Variants in GTF2I observed in about 807,000 individuals in gnomAD.
GTF2I encodes general transcription factor IIi.
Under a neutral mutation model 67.6 loss-of-function variants are expected in GTF2I, and 12 were observed. The observed-to-expected ratio is 0.18, with a 90% CI of 0.11 to 0.29. The LOEUF (loss-of-function observed/expected upper bound fraction) is 0.29, where lower values mean the gene tolerates loss of function less well. Ranked by LOEUF, GTF2I falls within the 10% of genes least tolerant of loss-of-function variation. The probability of loss-of-function intolerance (pLI) is 1.00; values close to 1 mark genes in which losing one functional copy is unlikely to be tolerated. For synonymous variants in GTF2I, 149 were observed against 197.0 expected, an observed-to-expected ratio of 0.76 and a Z score of 2.04; for missense variants, 271 against 580.1, an observed-to-expected ratio of 0.47 and a Z score of 5.47.
chr7:74,668,932 C>T (rs1481550666), intron 1 of GTF2I, among the ~76,000 whole-genome samples: 6 of 151,894 alleles, frequency 4.0e-5, no homozygotes, highest in South Asian at 2.1e-4. Context: ...GACAGGATCT[C>T]GCTGTGTTGC....
At chr7:74,696,412 T>G (rs1788911390) in intron 3 of GTF2I, among the ~76,000 whole-genome samples, 1 of 151,300 alleles carries the variant, frequency 6.6e-6, no homozygotes, top group South Asian at 2.1e-4. Context: ...CTGCAACTTC[T>G]GCCTCCCAGG....
At chr7:74,698,045 TC>T (rs1554398792) in intron 3 of GTF2I, among the ~76,000 whole-genome samples, 1 of 152,132 alleles carries the variant, frequency 6.6e-6, no homozygotes, top group Non-Finnish European at 1.5e-5. Context: ...AAGCTCCACC[TC>T]CCGGGCTCAC....
At chr7:74,698,204 C>T (rs1789198209) in intron 3 of GTF2I, among the ~76,000 whole-genome samples, 1 of 152,090 alleles carries the variant, frequency 6.6e-6, no homozygotes, top group African/African-American at 2.4e-5. Context: ...ATCCACCCGC[C>T]TCGGCCTCCC....
At chr7:74,684,813 C>G (rs996458877) in intron 1 of GTF2I, 4 of 152,196 alleles carry the variant, frequency 2.6e-5, no homozygotes, top group Non-Finnish European at 5.9e-5. Context: ...GCGTCTGTCC[C>G]CCATTTCTTA....
At chr7:74,685,815 C>T (rs997406603) in intron 1 of GTF2I, among the ~76,000 whole-genome samples, 1 of 151,550 alleles carries the variant, frequency 6.6e-6, no homozygotes, top group East Asian at 1.9e-4. Flanking sequence ...GCCGGTAATC[C>T]GGCCGAGGCG....
rs868925780 is a variant in GTF2I at position 74,658,731 on chromosome 7, G to C, written c.-6+663G>C. 5.0e-4 allele frequency among the ~76,000 whole-genome samples: 76 copies of C among 151,388 alleles called. No homozygotes were observed. In the Middle Eastern group the frequency reaches 0.01, roughly 20 times the overall value. ...TCCGCAGTGGGCTTTGTCCCGGGCC[G>C]GCCCGGCGCGCCTGCCCCGCGGGGC... On this transcript the variant is annotated intron_variant, in intron 1 of 34. Transcript: ENST00000573035.
intron 3 of GTF2I, among the ~76,000 whole-genome samples, chr7:74,693,728 C>A (rs1302654357): frequency 1.3e-5 from 2 of 152,142 alleles, no homozygotes; most frequent in Non-Finnish European, 2.9e-5. Context: ...TGCTTGTAGT[C>A]CCAGCTATTT....
chr7:74,700,942 G>A (rs1182506501), intron 6 of GTF2I, among the ~76,000 whole-genome samples: 1 of 152,224 alleles, frequency 6.6e-6, no homozygotes, highest in Non-Finnish European at 1.5e-5. Flanking sequence ...GTTGGGCACA[G>A]CATTGGGTGG....
At chr7:74,693,869 C>T (rs1788616679) in intron 3 of GTF2I, among the ~76,000 whole-genome samples, 1 of 151,924 alleles carries the variant, frequency 6.6e-6, no homozygotes, top group African/African-American at 2.4e-5. Flanking sequence ...GAAATTAGGC[C>T]AATTAATAGA....
intron 12 of GTF2I, chr7:74,726,486 T>A (rs1475702165): frequency 6.6e-6 from 1 of 152,180 alleles, no homozygotes; most frequent in Non-Finnish European, 1.5e-5. Context: ...CCATTTTTAA[T>A]CCTTACAGTC....
chr7:74,721,419 G>C (rs1457577219), intron 12 of GTF2I, among the ~76,000 whole-genome samples: 3 of 152,142 alleles, frequency 2.0e-5, no homozygotes, highest in African/African-American at 7.2e-5. Context: ...GTAGAATTTT[G>C]CTAGTAGACC....
chr7:74,684,433 C>T (rs1787515803), intron 1 of GTF2I, among the ~76,000 whole-genome samples: 1 of 152,190 alleles, frequency 6.6e-6, no homozygotes. Context: ...GCTTCCTAAG[C>T]TGGCGTCACC....
chr7:74,749,842 C>G (rs1181901692), intron 26 of GTF2I, among the ~76,000 whole-genome samples: 1 of 127,144 alleles, frequency 7.9e-6, no homozygotes, highest in East Asian at 2.7e-4. Context: ...GAGCCAAGAT[C>G]GTGCCACTGC....
At chr7:74,685,808 G>T (rs1554395333) in intron 1 of GTF2I, among the ~76,000 whole-genome samples, 1 of 151,694 alleles carries the variant, frequency 6.6e-6, no homozygotes, top group Non-Finnish European at 1.5e-5. Flanking sequence ...GGCTCACGCC[G>T]GTAATCCGGC....
At chr7:74,710,538 AG>A (rs1211129638) in intron 8 of GTF2I, among the ~76,000 whole-genome samples, 3 of 152,164 alleles carry the variant, frequency 2.0e-5, no homozygotes, top group Non-Finnish European at 4.4e-5. Flanking sequence ...TTGTGGGCAA[AG>A]CTTTATGCAG....
chr7:74,729,220 C>CTTT (rs1452178767), intron 13 of GTF2I, among the ~76,000 whole-genome samples: 1 of 76,534 alleles, frequency 1.3e-5, no homozygotes, highest in Non-Finnish European at 2.5e-5. Flanking sequence ...TCTTGGTTTT[C>CTTT]TTTTTTTTTT....
chr7:74,676,845 C>G (rs1805946880), intron 1 of GTF2I, among the ~76,000 whole-genome samples: 1 of 152,088 alleles, frequency 6.6e-6, no homozygotes, highest in African/African-American at 2.4e-5. Flanking sequence ...CACTTGAGGT[C>G]AGGAGTTCAA....
At chr7:74,672,294 TTCGGGAGGCTGAGGCGTGCAG>T (rs1284391051) in intron 1 of GTF2I, among the ~76,000 whole-genome samples, 4 of 152,038 alleles carry the variant, frequency 2.6e-5, no homozygotes, top group African/African-American at 9.7e-5. Context: ...ATCCCAGCAC[TTCGGGAGGCTGAGGCGTGCAG>T]ATATTGCCTG....
rs1789366123 is a variant in GTF2I at position 74,699,034 on chromosome 7, A to G, written c.312A>G (p.Val104=). 7 of 1,556,626 alleles carry G rather than the reference A, an allele frequency of 4.5e-6. No individual in the cohort carries two copies. Among genetic ancestry groups the G allele is most frequent in the Non-Finnish European group, 8.7e-7 (1 of 1,146,670 alleles). The stretch of plus-strand genomic sequence containing the variant: ...CAACCCAGGCAAATCGGATGAGTGT[A>G]GATGCTGTAGAAATTGAAACACTCA... The part of the protein sequence containing the change: ...KSTTQANRMS[V]DAVEIETLRK... Residue 104 remains valine (V), a synonymous_variant, in exon 4 of 35, where the codon GTA becomes GTG. Coordinates refer to ENST00000573035, the MANE Select transcript of GTF2I (RefSeq NM_032999.4).
Sources: allele counts gnomAD v4.1 joint callset (sites outside exome capture counted in the v4.1 genomes callset), GRCh38; gene constraint gnomAD v4.1.1; transcripts MANE v1.5; gene names NCBI Gene and HGNC (gene_info 2026-07-23, HGNC 2026-07-21).